DCAF15: variants seen among roughly 807,000 people sequenced by gnomAD.
The protein encoded by DCAF15 is DDB1- and CUL4-associated factor 15.
DCAF15 carries 24 observed loss-of-function variants against 68.0 expected under a neutral mutation model. The ratio of observed to expected loss-of-function variants is 0.35; its 90% confidence interval spans 0.26 to 0.50. The LOEUF is 0.50. DCAF15 is among the 20% of genes least tolerant of loss of function. The pLI, the probability that DCAF15 is intolerant of heterozygous loss-of-function variation, is 0.98. For missense variants in DCAF15, 627 were observed against 830.6 expected (o/e 0.75, Z 3.01); for synonymous variants, 376 against 341.6 (o/e 1.10, Z -1.11).
intron 6 of DCAF15, among the ~76,000 whole-genome samples, chr19:13,957,999 A>G (rs993394237): frequency 1.1e-4 from 16 of 152,198 alleles, no homozygotes; most frequent in Admixed American, 7.2e-4. Context: ...TTAAATGTAT[A>G]TAACGCAGCC....
At chr19:13,960,248 G>A in intron 10 of DCAF15, 39 bp from the exon 11 acceptor site, 4 of 1,601,878 alleles carry the variant, frequency 2.5e-6, no homozygotes, top group Non-Finnish European at 3.4e-6. Context: ...CAGGAGCCCG[G>A]CTGTCCCAGC....
At chr19:13,953,944 C>T (rs1973216240) in intron 1 of DCAF15, among the ~76,000 whole-genome samples, 1 of 152,144 alleles carries the variant, frequency 6.6e-6, no homozygotes, top group Non-Finnish European at 1.5e-5. Flanking sequence ...GGTCAGGACT[C>T]TGTCCCAGCC....
Position 13,961,327 on chromosome 19 carries a change from G to T in DCAF15, c.*332G>T. The T allele has an allele frequency of 2.5e-6, 1 of 393,626 alleles. No individual in the cohort carries two copies. Among genetic ancestry groups the T allele is most frequent in the Non-Finnish European group, 4.8e-6 (1 of 209,188 alleles). 24.4% of individuals were successfully genotyped at this position (393,626 alleles called of 1,614,324 possible). A position where few individuals can be genotyped will look rare whatever the true frequency, so the allele number is the denominator to read the frequency against. ...TACAGCTGTGGACGTTGCCCTCGGG[G>T]AGGTCGAATGGACCCCATTCCCCCT... On this transcript the variant is annotated 3_prime_UTR_variant, in exon 13 of 13. Transcript: ENST00000254337.
rs1973564995 is a variant in DCAF15 at position 13,960,313 on chromosome 19, A to G, written c.1553A>G (p.Lys518Arg). ...CCAAAGACCTATCACACCAGCCTCA[A>G]GGTGGCATGGGACCTCAACACAGGG... The part of the protein sequence containing the change: ...LRPKTYHTSL[K>R]VAWDLNTGIF... The change falls in exon 11 of 13, where the codon AAG (lysine) becomes AGG (arginine). Residue 518 changes from lysine to arginine, a missense_variant. Lys to Arg is a conservative substitution (Grantham distance 26, BLOSUM62 2). Coordinates refer to ENST00000254337, the MANE Select transcript of DCAF15 (RefSeq NM_138353.4). 15 of 1,614,036 alleles carry G rather than the reference A, an allele frequency of 9.3e-6. No individual in the cohort carries two copies. The highest frequency in any genetic ancestry group is 5.5e-5 in the South Asian group (5 of 91,082).
At chr19:13,954,803 C>G in intron 3 of DCAF15, 142 bp downstream of exon 3, 1 of 958,240 alleles carries the variant, frequency 1.0e-6, no homozygotes, top group East Asian at 2.5e-5. Flanking sequence ...TGTGTTAGAT[C>G]CAACCATATG....
intron 4 of DCAF15, 35 bp from the exon 5 acceptor site, chr19:13,956,088 G>A (rs1186946653): frequency 8.7e-6 from 14 of 1,609,960 alleles, no homozygotes; most frequent in South Asian, 2.2e-5. Context: ...CCCCCCAGGC[G>A]CCGACCAGGC....
intron 1 of DCAF15, 44 bp downstream of exon 1, chr19:13,952,688 A>G: frequency 6.2e-6 from 6 of 964,902 alleles, no homozygotes; most frequent in Non-Finnish European, 7.4e-6. Flanking sequence ...GAGGGTGGGG[A>G]GTAGGGACGA....
Position 13,961,299 on chromosome 19 carries a change from G to T in DCAF15, c.*304G>T. The T allele has an allele frequency of 2.0e-6, 1 of 494,094 alleles. No individual in the cohort carries two copies. The highest frequency in any genetic ancestry group is 3.6e-5 in the East Asian group (1 of 27,662). 30.6% of individuals were successfully genotyped at this position (494,094 alleles called of 1,614,324 possible). The stretch of plus-strand genomic sequence containing the variant: ...CCCCTCGTGCATTTGCCCTTTTCTC[G>T]GCTACAGCTGTGGACGTTGCCCTCG... On this transcript the variant is annotated 3_prime_UTR_variant, in exon 13 of 13. Transcript: ENST00000254337.
rs73924875 is a variant in DCAF15, at chr19:13,957,401, G to A, written c.784+879G>A. ...CCTCTGGCAGAGTCTCACTGGGTCCGTATGTCCAAGACTGCTGAGGGGGAG... is the reference window on the plus strand; with the variant it reads ...CCTCTGGCAGAGTCTCACTGGGTCCATATGTCCAAGACTGCTGAGGGGGAG... On this transcript the variant is annotated intron_variant, in intron 6 of 12. Coordinates refer to ENST00000254337, the MANE Select transcript of DCAF15 (RefSeq NM_138353.4). Among the ~76,000 whole-genome samples, 1,443 of 152,214 alleles carry A rather than the reference G, an allele frequency of 9.5e-3. 23 individuals are homozygous for A. The highest frequency in any genetic ancestry group is 0.033 in the African/African-American group (1,369 of 41,534).
chr19:13,954,674 C>T lies in DCAF15; in HGVS notation c.366+13C>T. The T allele has an allele frequency of 6.2e-7, 1 of 1,613,838 alleles. No homozygotes were observed. Among genetic ancestry groups the T allele is most frequent in the Non-Finnish European group, 8.5e-7 (1 of 1,179,790 alleles). On this transcript the variant is annotated intron_variant, in intron 3 of 12. Transcript: ENST00000254337. ...CAAGCTCAAGCTGGTAGGGAGGCTT[C>T]AACACCAGGCTGGCCCTTCAGATGG...
chr19:13,952,744 CG>C, intron 1 of DCAF15, 100 bp downstream of exon 1: 1 of 112,602 alleles, frequency 8.9e-6, no homozygotes, highest in Non-Finnish European at 1.5e-5. Flanking sequence ...GGGTTGGGGG[CG>C]GGGCCCCAGG....
chr19:13,955,515 G>A (rs777316953), intron 3 of DCAF15, among the ~76,000 whole-genome samples: 7 of 152,192 alleles, frequency 4.6e-5, no homozygotes, highest in Non-Finnish European at 7.3e-5. Flanking sequence ...GAACATGTTG[G>A]CTCAGGCCAG....
intron 3 of DCAF15, among the ~76,000 whole-genome samples, chr19:13,955,707 G>A (rs1031140905): frequency 6.6e-6 from 1 of 152,102 alleles, no homozygotes; most frequent in East Asian, 1.9e-4. Flanking sequence ...TGTTCCCATC[G>A]GCTGCATCCC....
chr19:13,960,109 G>C (rs866795736), intron 10 of DCAF15, 40 bp downstream of exon 10: 6 of 1,608,548 alleles, frequency 3.7e-6, no homozygotes, highest in Non-Finnish European at 5.1e-6. Flanking sequence ...CACTAGGGGG[G>C]CCACTGGCAG....
Position 13,954,676 on chromosome 19 carries a change from A to G in DCAF15, c.366+15A>G, listed in dbSNP as rs1056143. 0.44 allele frequency: 704,405 copies of G among 1,613,206 alleles called. 156,154 individuals carry two copies. The highest frequency in any genetic ancestry group is 0.56 in the Middle Eastern group (3,366 of 6,056). ...AGCTCAAGCTGGTAGGGAGGCTTCA[A>G]CACCAGGCTGGCCCTTCAGATGGTG... On this transcript the variant is annotated intron_variant, in intron 3 of 12. Coordinates refer to ENST00000254337, the MANE Select transcript of DCAF15 (RefSeq NM_138353.4).
At chr19:13,957,362 T>C (rs921407048) in intron 6 of DCAF15, among the ~76,000 whole-genome samples, 5 of 152,154 alleles carry the variant, frequency 3.3e-5, no homozygotes, top group Admixed American at 1.3e-4. Context: ...AGCTGCCCTG[T>C]GCCCGGGTCT....
chr19:13,954,420 G>C lies in DCAF15; in HGVS notation c.213G>C (p.Glu71Asp), dbSNP rs774076084. Residue 71 changes from glutamate to aspartate, a missense_variant, in exon 2 of 13, where the codon GAG becomes GAC. By Grantham distance (45) the Glu-to-Asp change is conservative. Around this residue, in one of 3 missense-constraint regions of DCAF15, gnomAD observed 273 missense variants for 393.7 expected, o/e 0.69. Transcript: ENST00000254337. Reference sequence around the variant, plus strand: ...TGTCCCTCAAGAACATTGTGGATGAGGACTTCCTCTATGCAGGGTGAGGCT... The same window carrying C: ...TGTCCCTCAAGAACATTGTGGATGACGACTTCCTCTATGCAGGGTGAGGCT... Reference protein sequence around the residue: ...VCVSLKNIVDEDFLYAGHIFL... With the variant: ...VCVSLKNIVDDDFLYAGHIFL... The C allele has an allele frequency of 6.2e-7, 1 of 1,614,034 alleles. No homozygotes were observed. The highest frequency in any genetic ancestry group is 8.5e-7 in the Non-Finnish European group (1 of 1,180,006).
At chr19:13,960,607 C>T (rs1568451684) in intron 12 of DCAF15, 27 bp downstream of exon 12, 1 of 1,535,156 alleles carries the variant, frequency 6.5e-7, no homozygotes, top group Non-Finnish European at 8.8e-7. Flanking sequence ...CCGTGATGGT[C>T]AGGGTCACCA....
At chr19:13,958,599 G>T (rs182145647) in intron 6 of DCAF15, among the ~76,000 whole-genome samples, 1 of 152,154 alleles carries the variant, frequency 6.6e-6, no homozygotes, top group Non-Finnish European at 1.5e-5. Flanking sequence ...AAGTGTGCCC[G>T]CAGTGGTCTG....
Sources: gnomAD v4.1 joint callset for allele counts (sites outside exome capture counted in the v4.1 genomes callset) on GRCh38, gnomAD v4.1.1 for gene constraint, gnomAD v4.1.1 regional missense constraint, MANE v1.5 for transcripts, NCBI Gene and HGNC (gene_info 2026-07-23, HGNC 2026-07-21) for gene names.